AUP1: variants seen among roughly 807,000 people sequenced by gnomAD.
The protein encoded by AUP1 is lipid droplet-regulating VLDL assembly factor AUP1.
AUP1 carries 30 observed loss-of-function variants against 51.8 expected under a neutral mutation model. The ratio of observed to expected loss-of-function variants is 0.58; its 90% CI spans 0.43 to 0.79. The LOEUF (loss-of-function observed/expected upper bound fraction) is 0.79, where lower values mean the gene tolerates loss of function less well. AUP1 is among the 30% of genes least tolerant of loss of function. The pLI is 0.00. For synonymous variants in AUP1, 227 were observed against 209.0 expected (o/e 1.09, Z -0.74); for missense variants, 492 against 517.1 (o/e 0.95, Z 0.47).
At chr2:74,528,523 C>T in intron 4 of AUP1, 34 bp from the exon 5 acceptor site, 1 of 1,576,952 alleles carries the variant, frequency 6.3e-7, no homozygotes, top group East Asian at 2.2e-5. Flanking sequence ...GATGGGAATC[C>T]AGCCAGCCTA....
intron 5 of AUP1, 28 bp downstream of exon 5, chr2:74,528,389 A>G (rs750545364): frequency 6.2e-7 from 1 of 1,612,376 alleles, no homozygotes; most frequent in Admixed American, 1.7e-5. Context: ...TTCAAGCCCC[A>G]GAGATTCCCT....
rs769619530 is a variant in AUP1 at position 74,528,491 on chromosome 2, T to C, written c.525-2A>G. The C allele has an allele frequency of 5.0e-6, 8 of 1,611,696 alleles. No individual in the cohort carries two copies. ...TCTTGGATAGAAAATGGCCAGGAAC[T>C]AGAAGAGGAAGGAGAAAGTAGGATG... On this transcript the variant is annotated splice_acceptor_variant, in intron 4 of 11. Coordinates refer to ENST00000377526, the MANE Select transcript of AUP1 (RefSeq NM_181575.5). LOFTEE classifies it high-confidence loss of function.
chr2:74,526,663 C>G lies in AUP1; in HGVS notation c.*137G>C. The G allele has an allele frequency of 8.9e-7, 1 of 1,120,478 alleles. No homozygotes were observed. Among genetic ancestry groups the G allele is most frequent in the Non-Finnish European group, 1.3e-6 (1 of 794,790 alleles). 69.4% of individuals were successfully genotyped at this position (1,120,478 alleles called of 1,614,324 possible). On this transcript the variant is annotated 3_prime_UTR_variant, in exon 12 of 12. Coordinates refer to ENST00000377526, the MANE Select transcript of AUP1 (RefSeq NM_181575.5). ...AGACAACAGATGCCTTGAATGAAAA[C>G]CATGAATTTAATGTGACATTGGGGG...
Position 74,527,863 on chromosome 2 carries a change from G to T in AUP1, c.739-25C>A, listed in dbSNP as rs1330754741. 5.6e-6 allele frequency: 9 copies of T among 1,613,652 alleles called. No individual in the cohort carries two copies. The Admixed American group carries it at 8.3e-5, about 15-fold the overall frequency. ...GCTAGGGAGAATTGGAAGACTGGAA[G>T]TGTCAAGATCTCAAGCTTTCCTCCC... is the stretch of plus-strand genomic sequence containing the variant. On this transcript the variant is annotated intron_variant, in intron 7 of 11. Coordinates refer to ENST00000377526, the MANE Select transcript of AUP1 (RefSeq NM_181575.5).
Position 74,526,968 on chromosome 2 carries a change from T to C in AUP1, c.1169A>G (p.Lys390Arg). 2 of 1,614,180 alleles carry C rather than the reference T, an allele frequency of 1.2e-6. No homozygotes were observed. The highest frequency in any genetic ancestry group is 1.3e-5 in the African/African-American group (1 of 75,064). The change falls in exon 11 of 12, where the codon AAG becomes AGG. Residue 390 changes from lysine (K) to arginine (R), a missense_variant. Coordinates refer to ENST00000377526, the MANE Select transcript of AUP1 (RefSeq NM_181575.5). ...TCTTGCGTATTCATATAGTGCTTGC[T>C]TGCGCTCCTGCAGGCTCTCCTGCCG... Reference protein sequence around the residue: ...WARQESLQERKQALYEYARRR... With the variant: ...WARQESLQERRQALYEYARRR...
rs746253272 is a variant in AUP1, at chr2:74,527,973, T to A, written c.705A>T (p.Glu235Asp). The A allele has an allele frequency of 6.2e-7, 1 of 1,614,224 alleles. No homozygotes were observed. Among genetic ancestry groups the A allele is most frequent in the South Asian group, 1.1e-5 (1 of 91,086 alleles). The change falls in exon 7 of 12, where the codon GAA (glutamate) becomes GAT (aspartate). Residue 235 changes from glutamate (E) to aspartate (D), a missense_variant. By Grantham distance (45) the Glu-to-Asp change is conservative (BLOSUM62 2). Coordinates refer to ENST00000377526, the MANE Select transcript of AUP1 (RefSeq NM_181575.5). ...WLRPVHRQLG[E>D]ANEEFALRVQ... ...CACGGAGTGCAAACTCCTCATTCGC[T>A]TCCCCTAGTTGGCGATGAACAGGAC...
At chr2:74,529,316 C>T (rs201319345) in intron 2 of AUP1, 34 bp from the exon 3 acceptor site, 15 of 1,613,794 alleles carry the variant, frequency 9.3e-6, no homozygotes, top group African/African-American at 8.0e-5. Context: ...TGTGTGGCCT[C>T]GGGCCAGACC....
chr2:74,528,766 C>G lies in AUP1; in HGVS notation c.509G>C (p.Gly170Ala), dbSNP rs1675330065. 1 of 1,602,860 alleles carries G rather than the reference C, an allele frequency of 6.2e-7. No homozygotes were observed. The highest frequency in any genetic ancestry group is 1.3e-5 in the African/African-American group (1 of 74,164). The change falls in exon 4 of 12, where the codon GGG becomes GCG. Residue 170 changes from glycine to alanine, a missense_variant. By Grantham distance (60) the Gly-to-Ala change is moderately conservative (BLOSUM62 0). Coordinates refer to ENST00000377526, the MANE Select transcript of AUP1 (RefSeq NM_181575.5). Reference protein sequence around the residue: ...PEEEATNGREGLLRFSSWPFS... With the variant: ...PEEEATNGREALLRFSSWPFS... The stretch of plus-strand genomic sequence containing the variant: ...CTAAACCCACCTGAAGCGCAGGAGC[C>G]CCTCCCGGCCATTGGTGGCCTCTTC...
In AUP1 at chr2:74,527,746, G is replaced by A. The variant is rs1388927791; in HGVS notation, c.831C>T (p.Arg277=). 8.7e-6 allele frequency: 14 copies of A among 1,614,026 alleles called. No individual in the cohort carries two copies. Among genetic ancestry groups the A allele is most frequent in the Middle Eastern group, 1.6e-4 (1 of 6,062 alleles). The stretch of plus-strand genomic sequence containing the variant: ...ATAGAGACCACATACCTGACTGGGG[G>A]CGCAATCTGGGGTGTCTTTGTCGCT... ...HMKRQRHPRL[R]PQSAQSSFPP... is the part of the protein sequence containing the mutation. Residue 277 remains arginine, a synonymous_variant, in exon 8 of 12, where the codon CGC becomes CGT. Transcript: ENST00000377526.
chr2:74,528,121 A>G (rs1675287459), intron 6 of AUP1, 115 bp from the exon 7 acceptor site: 1 of 1,483,946 alleles, frequency 6.7e-7, no homozygotes, highest in Non-Finnish European at 9.4e-7. Context: ...TACTGTAAAT[A>G]CTTTGTGTTG....
chr2:74,527,448 T>G (rs1256337572), intron 9 of AUP1, 23 bp downstream of exon 9: 2 of 1,611,136 alleles, frequency 1.2e-6, no homozygotes, highest in Non-Finnish European at 8.5e-7. Flanking sequence ...CATCTCCCAG[T>G]GTGGGGCCAC....
intron 4 of AUP1, 71 bp from the exon 5 acceptor site, chr2:74,528,560 C>A (rs1391837918): frequency 6.9e-7 from 1 of 1,443,020 alleles, no homozygotes. Context: ...TGCCTTATAA[C>A]AGGCAACTGT....
rs1675279463 is a variant in AUP1 at position 74,528,006 on chromosome 2, C to T, written c.672G>A (p.Arg224=). ...GTTGGCGATGAACAGGACGAAGCCA[C>T]CTGCAAAGAAACAATCCAGGGCTAT... The part of the protein sequence containing the change: ...LFVPFTVYQV[R]WLRPVHRQLG... The change falls in exon 7 of 12, where the codon AGG becomes AGA. Residue 224 remains arginine (R), a splice_region_variant and synonymous_variant. Transcript: ENST00000377526. 1 of 1,614,198 alleles carries T rather than the reference C, an allele frequency of 6.2e-7. No individual in the cohort carries two copies. The highest frequency in any genetic ancestry group is 1.3e-5 in the African/African-American group (1 of 75,058).
chr2:74,528,618 GAACTT>G, intron 4 of AUP1, 128 bp downstream of exon 4: 1 of 1,393,946 alleles, frequency 7.2e-7, no homozygotes, highest in Non-Finnish European at 1.0e-6. Flanking sequence ...TCAGGAGAAA[GAACTT>G]AAAGTGGACA....
Position 74,529,483 on chromosome 2 carries a change from A to C in AUP1, c.67T>G (p.Phe23Val), listed in dbSNP as rs372473706. ...FDSHRLPGDC[F>V]LLLVLLLYAP... Reference sequence around the variant, plus strand: ...TAGAGCAGCAGCACGAGCAGTAGGAAGCAGTCACCCGGAAGCCTGGGGGCG... The same window carrying C: ...TAGAGCAGCAGCACGAGCAGTAGGACGCAGTCACCCGGAAGCCTGGGGGCG... Residue 23 changes from phenylalanine to valine, a missense_variant, in exon 2 of 12, where the codon TTC becomes GTC. Coordinates refer to ENST00000377526, the MANE Select transcript of AUP1 (RefSeq NM_181575.5). The C allele has an allele frequency of 1.5e-5, 24 of 1,555,900 alleles. No homozygotes were observed. The African/African-American group carries it at 3.0e-4, about 19-fold the overall frequency.
chr2:74,527,504 G>A lies in AUP1; in HGVS notation c.928C>T (p.His310Tyr). 1 of 1,613,888 alleles carries A rather than the reference G, an allele frequency of 6.2e-7. No homozygotes were observed. The highest frequency in any genetic ancestry group is 8.5e-7 in the Non-Finnish European group (1 of 1,179,940). The change falls in exon 9 of 12, where the codon CAT (histidine) becomes TAT (tyrosine). Residue 310 changes from histidine to tyrosine, a missense_variant. Coordinates refer to ENST00000377526, the MANE Select transcript of AUP1 (RefSeq NM_181575.5). ...CTCTGGATGACACCCAATGGCACAT[G>A]GGGCAAAACTTCCTTGACTCTCTGA... is the stretch of plus-strand genomic sequence containing the variant. ...LAQRVKEVLP[H>Y]VPLGVIQRDL... is the part of the protein sequence containing the mutation.
intron 4 of AUP1, 125 bp from the exon 5 acceptor site, chr2:74,528,614 G>T (rs1675319847): frequency 3.6e-6 from 5 of 1,394,376 alleles, no homozygotes; most frequent in Non-Finnish European, 5.0e-6. Flanking sequence ...GGATTCAGGA[G>T]AAAGAACTTA....
Position 74,529,506 on chromosome 2 carries a change from G to A in AUP1, c.51-7C>T, listed in dbSNP as rs1473750277. ...GAAGCAGTCACCCGGAAGCCTGGGGGCGAGAGGCGAAGTGGTCAGGCGCCG... is the reference window on the plus strand; with the variant it reads ...GAAGCAGTCACCCGGAAGCCTGGGGACGAGAGGCGAAGTGGTCAGGCGCCG... On this transcript the variant is annotated splice_region_variant and splice_polypyrimidine_tract_variant and intron_variant, in intron 1 of 11. Transcript: ENST00000377526. The A allele has an allele frequency of 7.7e-6, 12 of 1,549,962 alleles. No individual in the cohort carries two copies. Among genetic ancestry groups the A allele is most frequent in the Non-Finnish European group, 1.0e-5 (12 of 1,143,900 alleles).
chr2:74,527,951 G>C lies in AUP1; in HGVS notation c.727C>G (p.Arg243Gly). The C allele has an allele frequency of 6.2e-7, 1 of 1,614,154 alleles. No individual in the cohort carries two copies. The change falls in exon 7 of 12, where the codon CGT becomes GGT. Residue 243 changes from arginine (R) to glycine (G), a missense_variant. Coordinates refer to ENST00000377526, the MANE Select transcript of AUP1 (RefSeq NM_181575.5). ...GTGCACCCGACCACCTGTTGTACACGGAGTGCAAACTCCTCATTCGCTTCC... is the reference window on the plus strand; with the variant it reads ...GTGCACCCGACCACCTGTTGTACACCGAGTGCAAACTCCTCATTCGCTTCC... Reference protein sequence around the residue: ...LGEANEEFALRVQQLVAKELG... With the variant: ...LGEANEEFALGVQQLVAKELG...
Sources: allele counts gnomAD v4.1 joint callset, GRCh38; gene constraint gnomAD v4.1.1; transcripts MANE v1.5; gene names NCBI Gene and HGNC (gene_info 2026-07-23, HGNC 2026-07-21).